The following GNA14 variants were observed in gnomAD, a reference collection of about 807,000 sequenced individuals.
GNA14 encodes the protein G protein subunit alpha 14.
A neutral mutation model predicts 42.0 loss-of-function variants in GNA14; 50 were observed. That is an observed-to-expected ratio of 1.19 (90% CI 0.95 to 1.51). The LOEUF (loss-of-function observed/expected upper bound fraction) is 1.51. GNA14 is among the 40% of genes most tolerant of loss of function. The probability of loss-of-function intolerance (pLI) is 0.00; values close to 1 mark genes in which losing one functional copy is unlikely to be tolerated. For synonymous variants in GNA14, 173 were observed against 163.1 expected (o/e 1.06, Z -0.46); for missense variants, 473 against 446.2 (o/e 1.06, Z -0.54).
intron 1 of GNA14, among the ~76,000 whole-genome samples, chr9:77,562,703 A>AT: frequency 6.6e-6 from 1 of 152,342 alleles, no homozygotes; most frequent in East Asian, 1.9e-4. Context: ...TTTAGCCTGT[A>AT]TTTTCAACCT....
intron 2 of GNA14, among the ~76,000 whole-genome samples, chr9:77,509,513 C>G (rs1252425686): frequency 1.3e-5 from 2 of 152,064 alleles, no homozygotes; most frequent in Admixed American, 1.3e-4. Context: ...AGTGAGTTTT[C>G]TAAAAAGAGG....
At chr9:77,608,948 C>T (rs960126495) in intron 1 of GNA14, among the ~76,000 whole-genome samples, 1 of 152,122 alleles carries the variant, frequency 6.6e-6, no homozygotes, top group Non-Finnish European at 1.5e-5. Context: ...CACATCCATA[C>T]TATCTCCTTA....
At chr9:77,488,755 C>G (rs1587794269) in intron 2 of GNA14, among the ~76,000 whole-genome samples, 1 of 65,304 alleles carries the variant, frequency 1.5e-5, no homozygotes, top group Admixed American at 1.9e-4. Flanking sequence ...TAGTAAGTTA[C>G]AAAGACTCTT....
At chr9:77,626,924 T>TA (rs1233653553) in intron 1 of GNA14, among the ~76,000 whole-genome samples, 10 of 151,858 alleles carry the variant, frequency 6.6e-5, no homozygotes, top group East Asian at 1.9e-4. Flanking sequence ...AACAACCCTT[T>TA]AAAAAATCAA....
intron 2 of GNA14, among the ~76,000 whole-genome samples, chr9:77,518,978 A>G (rs1353785455): frequency 6.6e-6 from 1 of 152,230 alleles, no homozygotes; most frequent in Non-Finnish European, 1.5e-5. Context: ...TCAGAAATCA[A>G]GGTCAAGTAC....
At chr9:77,548,218 T>G (rs149190553) in intron 1 of GNA14, among the ~76,000 whole-genome samples, 2 of 152,182 alleles carry the variant, frequency 1.3e-5, no homozygotes, top group African/African-American at 2.4e-5. Context: ...GGGCAATGCT[T>G]GATGTTCTTT....
rs1408844661 is a variant in GNA14 at position 77,490,277 on chromosome 9, G to A, written c.309+38792C>T. Among the ~76,000 whole-genome samples, 20 of 152,348 alleles carry A rather than the reference G, an allele frequency of 1.3e-4. No individual in the cohort carries two copies. The East Asian group carries it at 3.9e-3, about 29-fold the overall frequency. On this transcript the variant is annotated intron_variant, in intron 2 of 6. Coordinates refer to ENST00000341700, the MANE Select transcript of GNA14 (RefSeq NM_004297.4). ...TTACAATCCCTGAGCTAGATATAAA[G>A]ACTCTCCACGTCCCTACCAGACTCA...
In GNA14 at chr9:77,501,774, G is replaced by GCA. The variant is rs1836977746; in HGVS notation, c.309+27294_309+27295insTG. On this transcript the variant is annotated intron_variant, in intron 2 of 6. Coordinates refer to ENST00000341700, the MANE Select transcript of GNA14 (RefSeq NM_004297.4). ...CACCCGGGTTGGAGTGCAGTGGCAT[G>GCA]ATCTCGGCTCACTGCAAGCTCCGCC... Among the ~76,000 whole-genome samples, 3 of 144,926 alleles carry GCA rather than the reference G, an allele frequency of 2.1e-5. No homozygotes were observed. The Admixed American group carries it at 2.1e-4, about 10-fold the overall frequency.
intron 2 of GNA14, among the ~76,000 whole-genome samples, chr9:77,502,267 A>G (rs1288940131): frequency 6.6e-6 from 1 of 152,142 alleles, no homozygotes; most frequent in Non-Finnish European, 1.5e-5. Context: ...CATCCCTGCC[A>G]CCTTGTGACT....
intron 2 of GNA14, among the ~76,000 whole-genome samples, chr9:77,483,450 A>ACCC (rs1564027950): frequency 6.6e-6 from 1 of 152,096 alleles, no homozygotes. Flanking sequence ...TCAGAGGAGT[A>ACCC]CCCGGCCGTG....
intron 4 of GNA14, among the ~76,000 whole-genome samples, chr9:77,430,446 G>T (rs571966038): frequency 2.0e-5 from 3 of 152,350 alleles, no homozygotes; most frequent in Non-Finnish European, 2.9e-5. Flanking sequence ...GCAGTTAATT[G>T]TGAAAAGGTT....
At chr9:77,480,516 G>T (rs902248476) in intron 2 of GNA14, among the ~76,000 whole-genome samples, 5 of 151,662 alleles carry the variant, frequency 3.3e-5, no homozygotes, top group African/African-American at 9.7e-5. Context: ...AATTCTTTTT[G>T]GTTGTGTCTC....
chr9:77,445,407 C>T (rs1032560298), intron 2 of GNA14, among the ~76,000 whole-genome samples: 1 of 149,180 alleles, frequency 6.7e-6, no homozygotes, highest in African/African-American at 2.5e-5. Flanking sequence ...GCCAGTGGAG[C>T]TGCTTCTCAG....
intron 2 of GNA14, among the ~76,000 whole-genome samples, chr9:77,526,076 A>ATTTT (rs34362442): frequency 2.1e-3 from 268 of 125,114 alleles, no homozygotes; most frequent in Non-Finnish European, 2.5e-3. Context: ...TAATTTTTGT[A>ATTTT]TTTTTTTTTT....
intron 2 of GNA14, among the ~76,000 whole-genome samples, chr9:77,466,238 T>C (rs79197312): frequency 0.014 from 2,113 of 152,330 alleles, 41 homozygotes; most frequent in African/African-American, 0.047. Flanking sequence ...CTGCATTCCA[T>C]ATGCAAATAT....
chr9:77,447,387 C>T (rs964498318), intron 2 of GNA14, among the ~76,000 whole-genome samples: 17 of 152,174 alleles, frequency 1.1e-4, no homozygotes, highest in Admixed American at 2.6e-4. Flanking sequence ...TCTAAGACTG[C>T]GAGCACTAAG....
intron 1 of GNA14, among the ~76,000 whole-genome samples, chr9:77,639,213 C>A (rs915360405): frequency 5.3e-5 from 8 of 152,122 alleles, no homozygotes; most frequent in African/African-American, 1.9e-4. Context: ...AGGCAGCAGC[C>A]CACCCCCTTT....
At chr9:77,448,346 T>A (rs1039741050) in intron 2 of GNA14, among the ~76,000 whole-genome samples, 9 of 152,216 alleles carry the variant, frequency 5.9e-5, no homozygotes, top group Non-Finnish European at 8.8e-5. Context: ...ATATTTTGAG[T>A]ATCGAATCAT....
At position 77,566,025 on chromosome 9, in the gene GNA14, G is replaced by C. The variant is rs571074807; in HGVS notation, c.125-36772C>G. ...GGCCAGGGTTGCTGTTAAACATCTG[G>C]CAATGCACAGGACAGTCTCTCAAAG... On this transcript the variant is annotated intron_variant, in intron 1 of 6. Coordinates refer to ENST00000341700, the MANE Select transcript of GNA14 (RefSeq NM_004297.4). Among the ~76,000 whole-genome samples, 8 of 152,184 alleles carry C rather than the reference G, an allele frequency of 5.3e-5. No homozygotes were observed. In the East Asian group the frequency reaches 1.5e-3, roughly 29 times the overall value.
Sources: gnomAD v4.1 joint callset for allele counts (sites outside exome capture counted in the v4.1 genomes callset) on GRCh38, gnomAD v4.1.1 for gene constraint, MANE v1.5 for transcripts, NCBI Gene and HGNC (gene_info 2026-07-23, HGNC 2026-07-21) for gene names.